The following PRKCQ variants were observed in gnomAD, a reference collection of about 807,000 sequenced individuals.
PRKCQ encodes protein kinase C theta type.
In PRKCQ, 41 loss-of-function variants were observed where a neutral mutation model predicts 91.2. The observed-to-expected ratio is 0.45, with a 90% CI of 0.35 to 0.58. The LOEUF (loss-of-function observed/expected upper bound fraction) is 0.58. Among genes scored for constraint, PRKCQ ranks in the 20% least tolerant of loss-of-function variants. PRKCQ has a pLI of 0.00. For missense variants in PRKCQ, 673 were observed against 896.5 expected, an observed-to-expected ratio of 0.75 and a Z score of 3.18; for synonymous variants, 307 against 316.9, an observed-to-expected ratio of 0.97 and a Z score of 0.33.
rs149520365 is a variant in PRKCQ, at chr10:6,459,987, T to C, written c.1508+2316A>G. ...TTGCCAAATTAAAAGTTTAGGTGAG[T>C]CAAATTACACACAGACAGTTGAATA... is the stretch of plus-strand genomic sequence containing the variant. On this transcript the variant is annotated intron_variant, in intron 14 of 17. Coordinates refer to ENST00000263125, the MANE Select transcript of PRKCQ (RefSeq NM_006257.5). 6.6e-5 allele frequency among the ~76,000 whole-genome samples: 10 copies of C among 152,298 alleles called. No individual in the cohort carries two copies. The East Asian group carries it at 1.9e-3, about 29-fold the overall frequency.
chr10:6,564,683 C>T (rs1840772644), intron 1 of PRKCQ, among the ~76,000 whole-genome samples: 1 of 152,162 alleles, frequency 6.6e-6, no homozygotes, highest in Non-Finnish European at 1.5e-5. Flanking sequence ...CCAAGGCTGA[C>T]CCAAATCCCT....
the PRKCQ span, among the ~76,000 whole-genome samples, chr10:6,419,471 G>A: frequency 6.9e-6 from 1 of 144,534 alleles, no homozygotes; most frequent in Non-Finnish European, 1.6e-5. Flanking sequence ...TACCCTCCAT[G>A]CTCCCCCATT....
chr10:6,425,899 C>A (rs1011195301), downstream of PRKCQ, among the ~76,000 whole-genome samples: 2 of 152,186 alleles, frequency 1.3e-5, no homozygotes, highest in Non-Finnish European at 2.9e-5. Context: ...TAAGAGCCAA[C>A]AGTCTTCACT....
intron 1 of PRKCQ, among the ~76,000 whole-genome samples, chr10:6,530,994 G>A (rs1839370683): frequency 6.6e-6 from 1 of 152,160 alleles, no homozygotes; most frequent in African/African-American, 2.4e-5. Context: ...AAACTATTAA[G>A]TTGTTTTATG....
chr10:6,395,212 T>G, the PRKCQ span, among the ~76,000 whole-genome samples: 1 of 151,580 alleles, frequency 6.6e-6, no homozygotes, highest in Non-Finnish European at 1.5e-5. Context: ...TACAGGTGCC[T>G]GCCACCGTGC....
intron 5 of PRKCQ, 126 bp downstream of exon 5, chr10:6,498,270 T>A: frequency 2.4e-6 from 3 of 1,263,710 alleles, no homozygotes; most frequent in Non-Finnish European, 3.3e-6. Flanking sequence ...GCAAGGTCCC[T>A]GACAACGCTG....
chr10:6,502,659 A>G (rs565274832), intron 4 of PRKCQ, among the ~76,000 whole-genome samples: 31 of 152,346 alleles, frequency 2.0e-4, no homozygotes, highest in Non-Finnish European at 4.4e-4. Flanking sequence ...TGGATGGGAT[A>G]TGGCAGGAGG....
Position 6,458,266 on chromosome 10 carries a change from G to A in PRKCQ, c.1509-1454C>T, listed in dbSNP as rs1415834548. On this transcript the variant is annotated intron_variant, in intron 14 of 17. Coordinates refer to ENST00000263125, the MANE Select transcript of PRKCQ (RefSeq NM_006257.5). ...AGGGATCTAGGTCAATATGGGAAAG[G>A]TTCTGAAAGGCTGCCATGTGAAGCC... 2.6e-5 allele frequency among the ~76,000 whole-genome samples: 4 copies of A among 152,158 alleles called. 1 individual carries two copies. The highest frequency in any genetic ancestry group is 9.7e-5 in the African/African-American group (4 of 41,444).
intron 14 of PRKCQ, among the ~76,000 whole-genome samples, chr10:6,457,486 C>T (rs1219991211): frequency 6.6e-6 from 1 of 152,200 alleles, no homozygotes; most frequent in Non-Finnish European, 1.5e-5. Context: ...TCTCTTCTCT[C>T]ACCAAGATCA....
chr10:6,485,997 G>T, intron 9 of PRKCQ, 38 bp downstream of exon 9: 1 of 1,538,582 alleles, frequency 6.5e-7, no homozygotes, highest in East Asian at 2.3e-5. Flanking sequence ...CTTGCTGAGC[G>T]GCCATGGCGG....
chr10:6,531,041 CA>C (rs761621189), intron 1 of PRKCQ, among the ~76,000 whole-genome samples: 13 of 42,112 alleles, frequency 3.1e-4, no homozygotes, highest in Non-Finnish European at 8.2e-4. Flanking sequence ...CACCTGTCAG[CA>C]GGGTGGAGCC....
the PRKCQ span, among the ~76,000 whole-genome samples, chr10:6,415,350 T>A: frequency 6.8e-6 from 1 of 146,706 alleles, no homozygotes; most frequent in Non-Finnish European, 1.5e-5. Context: ...ACACATATTG[T>A]AATCAAATTT....
chr10:6,453,087 C>A (rs951779106), intron 15 of PRKCQ, among the ~76,000 whole-genome samples: 1 of 151,706 alleles, frequency 6.6e-6, no homozygotes, highest in African/African-American at 2.4e-5. Context: ...TCTAATTCAA[C>A]TAAAGAGCTT....
chr10:6,491,666 T>G lies in PRKCQ; in HGVS notation c.790+17A>C, dbSNP rs1160039808. ...GGGGGTCCACGTCGGGCCATGCTCA[T>G]CCCCCACTGGACTCACCATCACACT... On this transcript the variant is annotated intron_variant, in intron 8 of 17. Coordinates refer to ENST00000263125, the MANE Select transcript of PRKCQ (RefSeq NM_006257.5). 5 of 1,613,620 alleles carry G rather than the reference T, an allele frequency of 3.1e-6. No individual in the cohort carries two copies. The highest frequency in any genetic ancestry group is 4.2e-6 in the Non-Finnish European group (5 of 1,179,724).
the PRKCQ span, among the ~76,000 whole-genome samples, chr10:6,418,242 T>G: frequency 6.6e-6 from 1 of 152,178 alleles, no homozygotes; most frequent in African/African-American, 2.4e-5. Context: ...CTCTAAAACC[T>G]CTGAGGCTTG....
chr10:6,522,720 G>T (rs912756700), intron 1 of PRKCQ, among the ~76,000 whole-genome samples: 1 of 152,204 alleles, frequency 6.6e-6, no homozygotes, highest in African/African-American at 2.4e-5. Context: ...AGTGTTGGGG[G>T]AGAGTCTCAC....
At chr10:6,480,920 C>T (rs1333567259) in intron 11 of PRKCQ, among the ~76,000 whole-genome samples, 3 of 152,164 alleles carry the variant, frequency 2.0e-5, no homozygotes, top group Non-Finnish European at 4.4e-5. Flanking sequence ...CCAGAGAACA[C>T]ACAATTTGTT....
intron 1 of PRKCQ, among the ~76,000 whole-genome samples, chr10:6,548,796 A>T (rs962155594): frequency 6.6e-6 from 1 of 151,852 alleles, no homozygotes; most frequent in African/African-American, 2.4e-5. Context: ...TGACCAGTTA[A>T]TGGGTGCAGC....
intron 1 of PRKCQ, among the ~76,000 whole-genome samples, chr10:6,567,210 G>A (rs146043022): frequency 3.3e-5 from 5 of 152,280 alleles, no homozygotes; most frequent in South Asian, 4.1e-4. Flanking sequence ...CATCAGAGGC[G>A]ACTTGGAAAA....
Sources: gnomAD v4.1 joint callset for allele counts (sites outside exome capture counted in the v4.1 genomes callset) on GRCh38, gnomAD v4.1.1 for gene constraint, MANE v1.5 for transcripts, NCBI Gene and HGNC (gene_info 2026-07-23, HGNC 2026-07-21) for gene names.